The following BMPR1B variants were observed in gnomAD, a reference collection of about 807,000 sequenced individuals.
BMPR1B encodes the protein bone morphogenetic protein receptor type-1B.
A neutral mutation model predicts 59.1 loss-of-function variants in BMPR1B; 12 were observed. That is an observed-to-expected ratio of 0.20 (90% confidence interval 0.13 to 0.33). BMPR1B has a LOEUF of 0.33. Among genes scored for constraint, BMPR1B ranks in the 10% least tolerant of loss-of-function variants. The pLI is 1.00. For missense variants in BMPR1B, 550 were observed against 610.9 expected (o/e 0.90, Z 1.05); for synonymous variants, 237 against 207.3 (o/e 1.14, Z -1.23).
intron 3 of BMPR1B, among the ~76,000 whole-genome samples, chr4:95,075,991 T>C (rs1728679274): frequency 1.3e-5 from 2 of 152,166 alleles, no homozygotes; most frequent in South Asian, 2.1e-4. Context: ...GAACTATGAA[T>C]ATCCTGTAAC....
chr4:95,115,728 C>T lies in BMPR1B; in HGVS notation c.290C>T (p.Thr97Ile), dbSNP rs151289886. ...PHQRRSIECC[T>I]ERNECNKDLH... is the part of the protein sequence containing the mutation. ...CAAAGAAGATCAATTGAATGCTGCA[C>T]AGAAAGGAACGAATGTAATAAAGAC... Residue 97 changes from threonine (T) to isoleucine (I), a missense_variant, in exon 6 of 13, where the codon ACA becomes ATA. By Grantham distance (89) the Thr-to-Ile change is moderately conservative (BLOSUM62 -1). This residue lies in a region of BMPR1B where 24 missense variants were observed against 20.3 expected (regional missense o/e 1.18). Coordinates refer to ENST00000515059, the MANE Select transcript of BMPR1B (RefSeq NM_001203.3). 1 of 1,613,630 alleles carries T rather than the reference C, an allele frequency of 6.2e-7. No homozygotes were observed. Among genetic ancestry groups the T allele is most frequent in the South Asian group, 1.1e-5 (1 of 91,072 alleles).
At chr4:94,831,505 A>G (rs1724589633) in intron 1 of BMPR1B, among the ~76,000 whole-genome samples, 1 of 152,194 alleles carries the variant, frequency 6.6e-6, no homozygotes. Flanking sequence ...TTCCTCATTC[A>G]TGTACCACTC....
chr4:94,864,755 G>T (rs1204797539), intron 1 of BMPR1B, among the ~76,000 whole-genome samples: 1 of 152,026 alleles, frequency 6.6e-6, no homozygotes, highest in African/African-American at 2.4e-5. Context: ...ATACTATATT[G>T]CTTAGGGAAT....
chr4:95,059,664 T>C (rs548371126), intron 3 of BMPR1B, among the ~76,000 whole-genome samples: 2 of 141,934 alleles, frequency 1.4e-5, no homozygotes, highest in African/African-American at 4.9e-5. Flanking sequence ...TTTTGTTAAA[T>C]AAACTTAATG....
intron 3 of BMPR1B, among the ~76,000 whole-genome samples, chr4:95,018,236 G>A (rs935738608): frequency 6.6e-6 from 1 of 152,114 alleles, no homozygotes; most frequent in Non-Finnish European, 1.5e-5. Flanking sequence ...GTTCTTAAAG[G>A]AAGTAATTTT....
At chr4:95,061,080 G>A (rs973636566) in intron 3 of BMPR1B, among the ~76,000 whole-genome samples, 1 of 150,672 alleles carries the variant, frequency 6.6e-6, no homozygotes, top group African/African-American at 2.4e-5. Context: ...ACCCTATCTT[G>A]CTTTGAAAAT....
At chr4:94,785,580 A>G (rs1722733643) in intron 1 of BMPR1B, among the ~76,000 whole-genome samples, 1 of 152,198 alleles carries the variant, frequency 6.6e-6, no homozygotes, top group Non-Finnish European at 1.5e-5. Flanking sequence ...TAAAGACTTT[A>G]GAAAAGAAAA....
chr4:94,848,534 G>A (rs1725432819), intron 1 of BMPR1B, among the ~76,000 whole-genome samples: 1 of 152,188 alleles, frequency 6.6e-6, no homozygotes, highest in South Asian at 2.1e-4. Flanking sequence ...GAGGAAACTA[G>A]TAAGAGGGAG....
At chr4:94,973,187 T>A (rs12505819) in intron 2 of BMPR1B, among the ~76,000 whole-genome samples, 70,707 of 152,004 alleles carry the variant, frequency 0.47, 16,873 homozygotes, top group South Asian at 0.6. Flanking sequence ...CTCTGCCATC[T>A]GTGGATGGCT....
intron 1 of BMPR1B, among the ~76,000 whole-genome samples, chr4:94,792,492 C>T (rs1370909438): frequency 6.6e-6 from 1 of 152,112 alleles, no homozygotes; most frequent in Non-Finnish European, 1.5e-5. Context: ...CACACATACA[C>T]ACACGCACAC....
At chr4:94,905,482 ATAATC>A (rs1560540480) in intron 2 of BMPR1B, among the ~76,000 whole-genome samples, 1 of 151,942 alleles carries the variant, frequency 6.6e-6, no homozygotes, top group East Asian at 1.9e-4. Context: ...TCAGTGAAAA[ATAATC>A]TATATTTTCT....
At chr4:95,083,543 A>G (rs1729339517) in intron 3 of BMPR1B, among the ~76,000 whole-genome samples, 2 of 152,178 alleles carry the variant, frequency 1.3e-5, no homozygotes, top group Admixed American at 6.5e-5. Context: ...TGTAATAAAA[A>G]AGCGAAAGGA....
chr4:94,961,109 T>A (rs913805201), intron 2 of BMPR1B, among the ~76,000 whole-genome samples: 7 of 152,200 alleles, frequency 4.6e-5, no homozygotes, highest in Admixed American at 1.3e-4. Context: ...AAACTTTTGT[T>A]TAGCACTGCT....
intron 2 of BMPR1B, among the ~76,000 whole-genome samples, chr4:94,938,762 A>T (rs7671870): frequency 2.0e-5 from 3 of 152,046 alleles, no homozygotes; most frequent in Admixed American, 1.3e-4. Context: ...TGGAAGAGAA[A>T]CTAGGGCAAA....
At chr4:94,906,067 CT>C (rs1265914017) in intron 2 of BMPR1B, among the ~76,000 whole-genome samples, 16 of 151,812 alleles carry the variant, frequency 1.1e-4, no homozygotes, top group African/African-American at 2.7e-4. Flanking sequence ...AAGGAGACTC[CT>C]AGTTCCTGCT....
At chr4:95,149,675 G>C (rs1280458977) in intron 11 of BMPR1B, among the ~76,000 whole-genome samples, 1 of 152,104 alleles carries the variant, frequency 6.6e-6, no homozygotes, top group Non-Finnish European at 1.5e-5. Flanking sequence ...CCATGGTTGT[G>C]CTCATTAAAA....
chr4:95,143,205 G>A (rs1734379197), intron 10 of BMPR1B, among the ~76,000 whole-genome samples: 1 of 152,216 alleles, frequency 6.6e-6, no homozygotes, highest in Non-Finnish European at 1.5e-5. Flanking sequence ...GCTGTGCTAA[G>A]GGGCACGCCA....
At chr4:94,938,467 A>AGC (rs1729398273) in intron 2 of BMPR1B, among the ~76,000 whole-genome samples, 1 of 151,548 alleles carries the variant, frequency 6.6e-6, no homozygotes, top group Non-Finnish European at 1.5e-5. Context: ...TGCACTCCCC[A>AGC]CTGGGTCACA....
At chr4:95,049,520 A>AT (rs891137646) in intron 3 of BMPR1B, among the ~76,000 whole-genome samples, 3 of 129,664 alleles carry the variant, frequency 2.3e-5, no homozygotes, top group African/African-American at 8.8e-5. Flanking sequence ...GTCCTGCACA[A>AT]TTTGGTTCCA....
Sources: gnomAD v4.1 joint callset for allele counts (sites outside exome capture counted in the v4.1 genomes callset) on GRCh38, gnomAD v4.1.1 for gene constraint, gnomAD v4.1.1 regional missense constraint, MANE v1.5 for transcripts, NCBI Gene and HGNC (gene_info 2026-07-23, HGNC 2026-07-21) for gene names.